The following CCHCR1 variants were observed in gnomAD, a reference collection of about 807,000 sequenced individuals.
CCHCR1 encodes the protein HCR (a-helix coiled-coil rod homologue).
CCHCR1 carries 91 observed loss-of-function variants against 114.6 expected under a neutral mutation model. The ratio of observed to expected loss-of-function variants is 0.79; its 90% confidence interval spans 0.67 to 0.94. The LOEUF is 0.94. Ranked by LOEUF, CCHCR1 falls within the 40% of genes least tolerant of loss-of-function variation. The pLI, the probability that CCHCR1 is intolerant of heterozygous loss-of-function variation, is 0.00. For missense variants in CCHCR1, 899 were observed against 1,079.9 expected, an observed-to-expected ratio of 0.83 and a Z score of 2.35; for synonymous variants, 379 against 428.5, an observed-to-expected ratio of 0.88 and a Z score of 1.43.
chr6:31,148,682 GCCTGCT>G lies in CCHCR1; in HGVS notation c.1403_1408del (p.Glu468_Gln469del). 6.2e-7 allele frequency: 1 copy of G among 1,612,906 alleles called. No homozygotes were observed. Among genetic ancestry groups the G allele is most frequent in the Non-Finnish European group, 8.5e-7 (1 of 1,179,880 alleles). On this transcript the variant is annotated inframe_deletion, in exon 9 of 18. Transcript: ENST00000396268. ...GTCCTGCAGGGATCGCTGCAGGATG[GCCTGCT>G]CCTGGCTCTGGGATGTCACTTTTTC... is the stretch of plus-strand genomic sequence containing the variant.
Position 31,154,889 on chromosome 6 carries a change from G to T in CCHCR1, c.498-90C>A. ...AACATAGCCAGGAGAAGGAAAAGAG[G>T]ACCCCTCTGCTTCCGTGTGGGGAGG... On this transcript the variant is annotated intron_variant, in intron 3 of 17. Transcript: ENST00000396268. This position sits in a 1 kb window ranked among gnomAD's most constrained non-coding sequence, Gnocchi z 4.1. The T allele has an allele frequency of 8.0e-7, 1 of 1,252,898 alleles. No homozygotes were observed. Among genetic ancestry groups the T allele is most frequent in the South Asian group, 1.5e-5 (1 of 66,180 alleles). The allele number at this position is 1,252,898 out of a possible 1,614,324, so 77.6% of individuals were successfully genotyped here. A position where few individuals can be genotyped will look rare whatever the true frequency, so the allele number is the denominator to read the frequency against.
Position 31,143,547 on chromosome 6 carries a change from C to T in CCHCR1, c.2168-134G>A. 1 of 890,048 alleles carries T rather than the reference C, an allele frequency of 1.1e-6. No individual in the cohort carries two copies. The highest frequency in any genetic ancestry group is 1.7e-6 in the Non-Finnish European group (1 of 596,986). The allele number at this position is 890,048 out of a possible 1,614,324, so 55.1% of individuals were successfully genotyped here. On this transcript the variant is annotated intron_variant, in intron 15 of 17. Coordinates refer to ENST00000396268, the MANE Select transcript of CCHCR1 (RefSeq NM_001105564.2). The surrounding 1 kb of genome is among the most constrained non-coding windows in gnomAD (Gnocchi z 5.3). ...AGGCTGTTCTGCTCTGTGGATCTGT[C>T]TCTTCTGTACAGTTGGAGGGGTGGG...
Position 31,143,397 on chromosome 6 carries a change from C to A in CCHCR1, c.2184G>T (p.Gln728His), listed in dbSNP as rs130074. The change falls in exon 16 of 18, where the codon CAG becomes CAT. Residue 728 changes from glutamine to histidine, a missense_variant. Transcript: ENST00000396268. This position sits in a 1 kb window ranked among gnomAD's most constrained non-coding sequence, Gnocchi z 5.3. ...TTTCCTGGGCGGCTCTGCGCTGAATCTGGCGTAAGGAGACCACTACAGAGA... is the reference window on the plus strand; with the variant it reads ...TTTCCTGGGCGGCTCTGCGCTGAATATGGCGTAAGGAGACCACTACAGAGA... ...EHAKAVVSLR[Q>H]IQRRAAQEKE... 0.036 allele frequency: 58,557 copies of A among 1,612,850 alleles called. 2,155 individuals carry two copies. The highest frequency in any genetic ancestry group is 0.18 in the East Asian group (8,154 of 44,856).
Position 31,143,487 on chromosome 6 carries a change from A to ACC in CCHCR1, c.2168-75_2168-74insGG. On this transcript the variant is annotated intron_variant, in intron 15 of 17. Coordinates refer to ENST00000396268, the MANE Select transcript of CCHCR1 (RefSeq NM_001105564.2). The surrounding 1 kb of genome is among the most constrained non-coding windows in gnomAD (Gnocchi z 5.3). ...GGCAGCCAGGCACCATGAAGACAGG[A>ACC]ACAAACGCTGGGTCACCAACTCTGT... The ACC allele has an allele frequency of 6.5e-7, 1 of 1,530,508 alleles. No homozygotes were observed. The highest frequency in any genetic ancestry group is 1.2e-5 in the South Asian group (1 of 85,856). The allele number at this position is 1,530,508 out of a possible 1,614,324, so 94.8% of individuals were successfully genotyped here.
rs779839079 is a variant in CCHCR1 at position 31,142,669 on chromosome 6, T to C, written c.2539A>G (p.Ile847Val). ...TGACAAACAGCTTCCTCTTTGGAAATGGCTTCACTCAGGTCCTGCAGGTCA... is the reference window on the plus strand; with the variant it reads ...TGACAAACAGCTTCCTCTTTGGAAACGGCTTCACTCAGGTCCTGCAGGTCA... ...LDDLQDLSEAISKEEAVCQGD... is the reference protein window; with the variant it reads ...LDDLQDLSEAVSKEEAVCQGD... The change falls in exon 18 of 18, where the codon ATT becomes GTT. Residue 847 changes from isoleucine (I) to valine (V), a missense_variant. Transcript: ENST00000396268. The C allele has an allele frequency of 6.2e-7, 1 of 1,613,348 alleles. No individual in the cohort carries two copies. The highest frequency in any genetic ancestry group is 1.1e-5 in the South Asian group (1 of 91,076).
rs1174387389 is a variant in CCHCR1, at chr6:31,154,858, G to T, written c.498-59C>A. ...CTCCAGTGCTGGAAGGATAGTTGAG[G>T]GCATAAACATAGCCAGGAGAAGGAA... On this transcript the variant is annotated intron_variant, in intron 3 of 17. Coordinates refer to ENST00000396268, the MANE Select transcript of CCHCR1 (RefSeq NM_001105564.2). This position sits in a 1 kb window ranked among gnomAD's most constrained non-coding sequence, Gnocchi z 4.1. The T allele has an allele frequency of 2.7e-5, 40 of 1,462,244 alleles. No individual in the cohort carries two copies. The highest frequency in any genetic ancestry group is 9.2e-7 in the Non-Finnish European group (1 of 1,092,552). The allele number at this position is 1,462,244 out of a possible 1,614,324, so 90.6% of individuals were successfully genotyped here.
intron 4 of CCHCR1, among the ~76,000 whole-genome samples, chr6:31,152,867 T>G (rs531890759): frequency 6.6e-6 from 1 of 152,156 alleles, no homozygotes; most frequent in Non-Finnish European, 1.5e-5. Context: ...TCAGTGCCCC[T>G]CATCTCTGTG....
Position 31,156,648 on chromosome 6 carries a change from C to A in CCHCR1, c.497+83G>T, listed in dbSNP as rs964907301. ...AATGAGTACGTTCTGGAAACTAGGG[C>A]CGAAATAGGGTAAGGAGTTTATTCC... On this transcript the variant is annotated intron_variant, in intron 3 of 17. Coordinates refer to ENST00000396268, the MANE Select transcript of CCHCR1 (RefSeq NM_001105564.2). 1.4e-5 allele frequency: 17 copies of A among 1,211,402 alleles called. No individual in the cohort carries two copies. The Admixed American group carries it at 3.2e-4, about 22-fold the overall frequency. 75.0% of individuals were successfully genotyped at this position (1,211,402 alleles called of 1,614,324 possible). A position where few individuals can be genotyped will look rare whatever the true frequency, so the allele number is the denominator to read the frequency against.
At chr6:31,153,831 G>C (rs1414824094) in intron 4 of CCHCR1, among the ~76,000 whole-genome samples, 1 of 152,210 alleles carries the variant, frequency 6.6e-6, no homozygotes, top group African/African-American at 2.4e-5. Flanking sequence ...GCCTGCTTCG[G>C]CCTCCCAAAA....
chr6:31,145,657 G>A, intron 11 of CCHCR1, 39 bp downstream of exon 11: 1 of 1,509,608 alleles, frequency 6.6e-7, no homozygotes, highest in Non-Finnish European at 9.2e-7. Context: ...CGAGCTGGTG[G>A]GGTGGGGGCA....
At chr6:31,157,948 C>T, upstream of CCHCR1, 1 of 345,644 alleles carries the variant, frequency 2.9e-6, no homozygotes, top group South Asian at 3.3e-5. Flanking sequence ...CCTGCCCTCG[C>T]CCCCTGTACG....
chr6:31,145,604 T>C (rs1774219762), intron 11 of CCHCR1, 92 bp downstream of exon 11: 9 of 1,419,090 alleles, frequency 6.3e-6, no homozygotes, highest in Non-Finnish European at 9.0e-6. Context: ...GGAAGGTGAA[T>C]GGATGTGGGA....
Position 31,145,013 on chromosome 6 carries a change from T to G in CCHCR1, c.1937A>C (p.Gln646Pro). 6.2e-7 allele frequency: 1 copy of G among 1,605,914 alleles called. No individual in the cohort carries two copies. The highest frequency in any genetic ancestry group is 8.5e-7 in the Non-Finnish European group (1 of 1,179,492). ...CAAGCTAGCCAGGGACTCCTGGGTCTGCTGCAGCTCCTGCTCCAGCTGCTG... is the reference window on the plus strand; with the variant it reads ...CAAGCTAGCCAGGGACTCCTGGGTCGGCTGCAGCTCCTGCTCCAGCTGCTG... ...VAQQLEQELQQTQESLASLGL... is the reference protein window; with the variant it reads ...VAQQLEQELQPTQESLASLGL... Residue 646 changes from glutamine (Q) to proline (P), a missense_variant, in exon 14 of 18, where the codon CAG becomes CCG. Gln to Pro is a moderately conservative substitution (Grantham distance 76). Transcript: ENST00000396268.
In CCHCR1 at chr6:31,154,602, G is replaced by A; in HGVS notation, c.695C>T (p.Ala232Val). 1 of 1,613,022 alleles carries A rather than the reference G, an allele frequency of 6.2e-7. No homozygotes were observed. Among genetic ancestry groups the A allele is most frequent in the Non-Finnish European group, 8.5e-7 (1 of 1,180,040 alleles). ...ARAEKAGRAEAEGLRAALAGA... is the reference protein window; with the variant it reads ...ARAEKAGRAEVEGLRAALAGA... ...AGCCAAAGCAGCACGCAGGCCCTCAGCCTCAGCTCGGCCGGCCTTCTCCGC... is the reference window on the plus strand; with the variant it reads ...AGCCAAAGCAGCACGCAGGCCCTCAACCTCAGCTCGGCCGGCCTTCTCCGC... Residue 232 changes from alanine (A) to valine (V), a missense_variant, in exon 4 of 18, where the codon GCT becomes GTT. By Grantham distance (64) the Ala-to-Val change is moderately conservative. Coordinates refer to ENST00000396268, the MANE Select transcript of CCHCR1 (RefSeq NM_001105564.2). The surrounding 1 kb of genome is among the most constrained non-coding windows in gnomAD (Gnocchi z 4.1).
chr6:31,152,090 A>AT (rs1405192721), intron 4 of CCHCR1, among the ~76,000 whole-genome samples: 3 of 152,008 alleles, frequency 2.0e-5, no homozygotes, highest in African/African-American at 7.2e-5. Context: ...AGGTCAGGAG[A>AT]TCGAGATCAT....
At chr6:31,155,974 G>A (rs1285986495) in intron 3 of CCHCR1, among the ~76,000 whole-genome samples, 2 of 152,184 alleles carry the variant, frequency 1.3e-5, no homozygotes, top group African/African-American at 2.4e-5. Context: ...ACGGAGTCTC[G>A]CTTTGTTGCC....
At chr6:31,156,540 A>T (rs1776034459) in intron 3 of CCHCR1, 191 bp downstream of exon 3, 1 of 561,002 alleles carries the variant, frequency 1.8e-6, no homozygotes, top group South Asian at 2.4e-5. Flanking sequence ...GATTTGTCTT[A>T]TTCACTATTG....
chr6:31,153,371 A>G (rs555146497), intron 4 of CCHCR1, among the ~76,000 whole-genome samples: 1 of 151,784 alleles, frequency 6.6e-6, no homozygotes, highest in East Asian at 1.9e-4. Flanking sequence ...CACACATTTT[A>G]TATTAGGGAT....
At position 31,142,706 on chromosome 6, in the gene CCHCR1, A is replaced by G; in HGVS notation, c.2502T>C (p.Ser834=). Reference sequence around the variant, plus strand: ...GGTCCTGCAGGTCATCGAGCAGGACAGAGAGGGACCCTGGGAAGGAAGACA... The same window carrying G: ...GGTCCTGCAGGTCATCGAGCAGGACGGAGAGGGACCCTGGGAAGGAAGACA... ...PTRESIKGSL[S]VLLDDLQDLS... is the part of the protein sequence containing the mutation. The change falls in exon 18 of 18, where the codon TCT becomes TCC. Residue 834 remains serine, a synonymous_variant. Transcript: ENST00000396268. 1 of 1,609,398 alleles carries G rather than the reference A, an allele frequency of 6.2e-7. No individual in the cohort carries two copies. The highest frequency in any genetic ancestry group is 8.5e-7 in the Non-Finnish European group (1 of 1,178,068).
Sources: gnomAD v4.1 joint callset for allele counts (sites outside exome capture counted in the v4.1 genomes callset) on GRCh38, gnomAD v4.1.1 for gene constraint, Gnocchi (gnomAD v3.1) non-coding constraint, MANE v1.5 for transcripts, NCBI Gene and HGNC (gene_info 2026-07-23, HGNC 2026-07-21) for gene names.